The following ZNF490 variants were observed in gnomAD, a reference collection of about 807,000 sequenced individuals.
ZNF490 encodes the protein zinc finger protein 490.
Under a neutral mutation model 17.7 loss-of-function variants are expected in ZNF490, and 11 were observed. The observed-to-expected ratio is 0.62, with a 90% confidence interval of 0.39 to 1.03. The LOEUF (loss-of-function observed/expected upper bound fraction) is 1.03, where lower values mean the gene tolerates loss of function less well. Among genes scored for constraint, ZNF490 ranks in the 50% least tolerant of loss-of-function variants. The probability of loss-of-function intolerance (pLI) is 0.00; values close to 1 mark genes in which losing one functional copy is unlikely to be tolerated. For synonymous variants in ZNF490, 222 were observed against 216.1 expected, an observed-to-expected ratio of 1.03 and a Z score of -0.24; for missense variants, 542 against 643.4, an observed-to-expected ratio of 0.84 and a Z score of 1.71.
chr19:12,576,789 C>A lies in ZNF490; in HGVS notation c.*3696G>T, dbSNP rs1345029929. On this transcript the variant is annotated 3_prime_UTR_variant, in exon 5 of 5. Coordinates refer to ENST00000311437, the MANE Select transcript of ZNF490 (RefSeq NM_020714.3). The stretch of plus-strand genomic sequence containing the variant: ...CCAAGATTGTGCCACTGCACTCCAG[C>A]CTGGCAACAGTGAGAATCCATCTCA... 1.4e-5 allele frequency among the ~76,000 whole-genome samples: 2 copies of A among 142,626 alleles called. No homozygotes were observed. Among genetic ancestry groups the A allele is most frequent in the Non-Finnish European group, 3.0e-5 (2 of 66,940 alleles). The allele number at this position is 142,626 out of a possible 152,430, so 93.6% of individuals were successfully genotyped here.
At chr19:12,601,733 C>T (rs1044431789) in intron 2 of ZNF490, among the ~76,000 whole-genome samples, 4 of 152,152 alleles carry the variant, frequency 2.6e-5, no homozygotes, top group Non-Finnish European at 4.4e-5. Context: ...TGGCATAGGC[C>T]TGTAATCCCA....
intron 2 of ZNF490, among the ~76,000 whole-genome samples, chr19:12,595,493 T>C (rs957802321): frequency 6.6e-6 from 1 of 152,184 alleles, no homozygotes; most frequent in Non-Finnish European, 1.5e-5. Flanking sequence ...TCATTTTTTT[T>C]TCTTTTGTGC....
At chr19:12,583,805 ATATATATTTT>A (rs1239828177) in intron 2 of ZNF490, among the ~76,000 whole-genome samples, 1 of 115,286 alleles carries the variant, frequency 8.7e-6, no homozygotes, top group Non-Finnish European at 1.8e-5. Flanking sequence ...ATATATATAT[ATATATATTTT>A]TTTTTTTTTT....
chr19:12,582,902 A>G lies in ZNF490; in HGVS notation c.298T>C (p.Trp100Arg), dbSNP rs756033880. The stretch of plus-strand genomic sequence containing the variant: ...TCATCTTCAATATCCTGGTCTTTCC[A>G]TTTTTCCCCTAAAATACAAGCCCAG... ...FKNLACIGEK[W>R]KDQDIEDEHK... Residue 100 changes from tryptophan to arginine, a missense_variant, in exon 4 of 5, where the codon TGG becomes CGG. Trp to Arg is a moderately radical substitution (Grantham distance 101, BLOSUM62 -3). Transcript: ENST00000311437. 1.6e-5 allele frequency: 26 copies of G among 1,611,454 alleles called. No homozygotes were observed. The East Asian group carries it at 1.8e-4, about 11-fold the overall frequency.
rs1160337028 is a variant in ZNF490 at position 12,580,466 on chromosome 19, A to G, written c.*19T>C. The stretch of plus-strand genomic sequence containing the variant: ...AAAAGGAACTAATACAACTGACAGC[A>G]TTACCACACTTTACTTTCTTAGGGC... On this transcript the variant is annotated 3_prime_UTR_variant, in exon 5 of 5. Coordinates refer to ENST00000311437, the MANE Select transcript of ZNF490 (RefSeq NM_020714.3). 2 of 1,558,660 alleles carry G rather than the reference A, an allele frequency of 1.3e-6. No homozygotes were observed. The highest frequency in any genetic ancestry group is 1.2e-5 in the South Asian group (1 of 81,594).
intron 2 of ZNF490, among the ~76,000 whole-genome samples, chr19:12,606,319 C>T (rs540673241): frequency 2.0e-5 from 3 of 151,018 alleles, no homozygotes; most frequent in Non-Finnish European, 4.4e-5. Flanking sequence ...GGACTACAGG[C>T]ACATGCCACC....
chr19:12,597,973 C>G (rs999493926), intron 2 of ZNF490, among the ~76,000 whole-genome samples: 1 of 152,132 alleles, frequency 6.6e-6, no homozygotes, highest in African/African-American at 2.4e-5. Flanking sequence ...CGCTTGTAAT[C>G]CCAGCACTTT....
chr19:12,595,268 G>A (rs2022917877), intron 2 of ZNF490, among the ~76,000 whole-genome samples: 1 of 151,870 alleles, frequency 6.6e-6, no homozygotes, highest in Admixed American at 6.6e-5. Context: ...CCTAGTAGCT[G>A]GGATTACAGC....
chr19:12,593,645 C>T (rs897550455), intron 2 of ZNF490, among the ~76,000 whole-genome samples: 2 of 152,174 alleles, frequency 1.3e-5, no homozygotes, highest in Non-Finnish European at 2.9e-5. Context: ...TTGTTGGCCA[C>T]TGCTAAGATG....
In ZNF490 at chr19:12,580,624, G is replaced by A; in HGVS notation, c.1451C>T (p.Thr484Ile). The A allele has an allele frequency of 6.2e-7, 1 of 1,614,146 alleles. No homozygotes were observed. Among genetic ancestry groups the A allele is most frequent in the African/African-American group, 1.3e-5 (1 of 75,026 alleles). The part of the protein sequence containing the change: ...CECKQCGKAF[T>I]CLNSLKVHKR... ...GTGTACTTTCAGGGAATTTAAACAA[G>A]TGAAAGCTTTGCCACACTGCTTACA... The change falls in exon 5 of 5, where the codon ACT becomes ATT. Residue 484 changes from threonine (T) to isoleucine (I), a missense_variant. Coordinates refer to ENST00000311437, the MANE Select transcript of ZNF490 (RefSeq NM_020714.3).
In ZNF490 at chr19:12,577,539, G is replaced by C; in HGVS notation, c.*2946C>G. The C allele has an allele frequency of 1.4e-6, 1 of 707,198 alleles. No individual in the cohort carries two copies. The highest frequency in any genetic ancestry group is 1.7e-6 in the Non-Finnish European group (1 of 604,824). 43.8% of individuals were successfully genotyped at this position (707,198 alleles called of 1,614,324 possible). On this transcript the variant is annotated 3_prime_UTR_variant, in exon 5 of 5. Coordinates refer to ENST00000311437, the MANE Select transcript of ZNF490 (RefSeq NM_020714.3). ...CCTGGTGAGAGAAGCGAATGTTCCTGGTGAGAGAAGCGAAGGTGTGCATCT... is the reference window on the plus strand; with the variant it reads ...CCTGGTGAGAGAAGCGAATGTTCCTCGTGAGAGAAGCGAAGGTGTGCATCT...
chr19:12,593,251 T>A (rs938752923), intron 2 of ZNF490, among the ~76,000 whole-genome samples: 1 of 151,890 alleles, frequency 6.6e-6, no homozygotes, highest in African/African-American at 2.4e-5. Flanking sequence ...TGTGGGTTTT[T>A]TTTTTTTTCC....
At chr19:12,582,407 GT>G (rs2022749070) in intron 4 of ZNF490, among the ~76,000 whole-genome samples, 1 of 151,510 alleles carries the variant, frequency 6.6e-6, no homozygotes, top group African/African-American at 2.4e-5. Flanking sequence ...AGTTTCTGTT[GT>G]TTTTTTAGAC....
At chr19:12,582,557 G>A (rs1316230430) in intron 4 of ZNF490, among the ~76,000 whole-genome samples, 1 of 151,936 alleles carries the variant, frequency 6.6e-6, no homozygotes, top group Admixed American at 6.6e-5. Flanking sequence ...ACCACGCCCG[G>A]CTAATTTTTT....
chr19:12,577,368 A>G lies in ZNF490; in HGVS notation c.*3117T>C, dbSNP rs2022656627. Reference sequence around the variant, plus strand: ...AAGATGGCTCCTTGAGCCCATTCTGACAGTGAAGGAATCTCGAACTTCCTG... The same window carrying G: ...AAGATGGCTCCTTGAGCCCATTCTGGCAGTGAAGGAATCTCGAACTTCCTG... On this transcript the variant is annotated 3_prime_UTR_variant, in exon 5 of 5. Transcript: ENST00000311437. 1.5e-5 allele frequency: 14 copies of G among 918,286 alleles called. No individual in the cohort carries two copies. Among genetic ancestry groups the G allele is most frequent in the Non-Finnish European group, 1.8e-5 (14 of 768,704 alleles). The allele number at this position is 918,286 out of a possible 1,614,324, so 56.9% of individuals were successfully genotyped here.
At chr19:12,610,124 G>A (rs931023902) in intron 1 of ZNF490, 2 of 364,594 alleles carry the variant, frequency 5.5e-6, no homozygotes, top group Non-Finnish European at 1.1e-5. Context: ...GGTCTGAAGA[G>A]TCCCTGTGCC....
At chr19:12,606,951 T>A (rs1047900826) in intron 2 of ZNF490, among the ~76,000 whole-genome samples, 1 of 152,218 alleles carries the variant, frequency 6.6e-6, no homozygotes, top group African/African-American at 2.4e-5. Context: ...GTATTTCATT[T>A]GATTAGCCCC....
intron 2 of ZNF490, among the ~76,000 whole-genome samples, chr19:12,590,763 T>C (rs28368916): frequency 1.3e-5 from 2 of 151,866 alleles, no homozygotes; most frequent in East Asian, 3.9e-4. Flanking sequence ...CACACAAATA[T>C]AGTCAACTGA....
At chr19:12,587,056 C>T (rs111865345) in intron 2 of ZNF490, among the ~76,000 whole-genome samples, 2,134 of 85,146 alleles carry the variant, frequency 0.025, 586 homozygotes, top group African/African-American at 0.072. Flanking sequence ...AGGAATAAAA[C>T]TCCATCTCAA....
Sources: allele counts gnomAD v4.1 joint callset (sites outside exome capture counted in the v4.1 genomes callset), GRCh38; gene constraint gnomAD v4.1.1; transcripts MANE v1.5; gene names NCBI Gene and HGNC (gene_info 2026-07-23, HGNC 2026-07-21).